The following PTPRN2 variants were observed in gnomAD, a reference collection of about 807,000 sequenced individuals.
PTPRN2 encodes protein tyrosine phosphatase receptor type N2, also known as receptor-type tyrosine-protein phosphatase N2.
PTPRN2 carries 74 observed loss-of-function variants against 118.8 expected under a neutral mutation model. That is an observed-to-expected ratio of 0.62 (90% CI 0.52 to 0.76). The LOEUF is 0.76. PTPRN2 is among the 30% of genes least tolerant of loss of function. PTPRN2 has a pLI of 0.00. For missense variants in PTPRN2, 1,481 were observed against 1,394.4 expected (o/e 1.06, Z -0.99); for synonymous variants, 641 against 608.0 (o/e 1.05, Z -0.80).
chr7:157,644,813 A>AC lies in PTPRN2; in HGVS notation c.2196+11543_2196+11544insG, dbSNP rs1004248497. 7.4e-5 allele frequency among the ~76,000 whole-genome samples: 10 copies of AC among 134,454 alleles called. No homozygotes were observed. The East Asian group carries it at 1.6e-3, about 21-fold the overall frequency. 88.2% of individuals were successfully genotyped at this position (134,454 alleles called of 152,430 possible). On this transcript the variant is annotated intron_variant, in intron 14 of 22. Transcript: ENST00000389418. ...TCCATCTCAAAAAACAAAAAAAAAAAAACAAAAAACAAAAGAAAACAAAAC... is the reference window on the plus strand; with the variant it reads ...TCCATCTCAAAAAACAAAAAAAAAAACAACAAAAAACAAAAGAAAACAAAAC...
chr7:157,908,645 TGACATCAGCAACTGCAGGGATCTCA>T (rs1479112092), intron 11 of PTPRN2, among the ~76,000 whole-genome samples: 2 of 152,190 alleles, frequency 1.3e-5, no homozygotes, highest in Non-Finnish European at 2.9e-5. Flanking sequence ...AACCAGCTCA[TGACATCAGCAACTGCAGGGATCTCA>T]GAGCCAGAAT....
chr7:157,770,847 C>T (rs1337502425), intron 12 of PTPRN2, among the ~76,000 whole-genome samples: 2 of 152,146 alleles, frequency 1.3e-5, no homozygotes, highest in Non-Finnish European at 2.9e-5. Flanking sequence ...TCTGTCCTCC[C>T]CACCTGAGTG....
rs1563030031 is a variant in PTPRN2, at chr7:158,245,208, ACGGT to A, written c.278-39939_278-39936del. Among the ~76,000 whole-genome samples the A allele has an allele frequency of 2.9e-4, 14 of 48,854 alleles. No individual in the cohort carries two copies. The South Asian group carries it at 3.9e-3, about 14-fold the overall frequency. 32.1% of individuals were successfully genotyped at this position (48,854 alleles called of 152,430 possible). A position where few individuals can be genotyped will look rare whatever the true frequency, so the allele number is the denominator to read the frequency against. ...GGAATCCGTGGTCATGCTGGAATCC[ACGGT>A]CATGCCGGAACCCATGGCCATGCCG... On this transcript the variant is annotated intron_variant, in intron 3 of 22. Transcript: ENST00000389418.
intron 10 of PTPRN2, among the ~76,000 whole-genome samples, chr7:158,104,382 G>A (rs189803598): frequency 9.1e-4 from 139 of 152,266 alleles, no homozygotes; most frequent in African/African-American, 3.1e-3. Context: ...CAAAGATACC[G>A]CTGTGAAAAT....
At chr7:158,442,012 G>A (rs367666220) in intron 2 of PTPRN2, among the ~76,000 whole-genome samples, 2 of 150,868 alleles carry the variant, frequency 1.3e-5, no homozygotes, top group East Asian at 4.0e-4. Context: ...TGGCAGTGGT[G>A]GTGATAGTGA....
chr7:158,187,721 C>T (rs752062056), intron 5 of PTPRN2, among the ~76,000 whole-genome samples: 3 of 152,090 alleles, frequency 2.0e-5, no homozygotes, highest in East Asian at 1.9e-4. Flanking sequence ...TCTGAATAAC[C>T]GTTTGACAGC....
intron 11 of PTPRN2, among the ~76,000 whole-genome samples, chr7:158,071,109 T>TAC: frequency 1.1e-5 from 1 of 93,450 alleles, no homozygotes. Flanking sequence ...GTGCTCGTGG[T>TAC]GGTGGAGGTG....
chr7:157,684,008 T>G lies in PTPRN2; in HGVS notation c.1789-1071A>C, dbSNP rs1487725255. On this transcript the variant is annotated intron_variant, in intron 12 of 22. Coordinates refer to ENST00000389418, the MANE Select transcript of PTPRN2 (RefSeq NM_002847.5). Reference sequence around the variant, plus strand: ...CTGGCCGGCCTATTCATTATCTCTCTTCTATTAGTAATTTTCTGCTCCGTA... The same window carrying G: ...CTGGCCGGCCTATTCATTATCTCTCGTCTATTAGTAATTTTCTGCTCCGTA... Among the ~76,000 whole-genome samples the G allele has an allele frequency of 2.6e-5, 4 of 152,254 alleles. No individual in the cohort carries two copies. In the East Asian group the frequency reaches 7.8e-4, roughly 30 times the overall value.
At chr7:158,343,025 G>T (rs1455736676) in intron 2 of PTPRN2, among the ~76,000 whole-genome samples, 1 of 152,142 alleles carries the variant, frequency 6.6e-6, no homozygotes, top group Non-Finnish European at 1.5e-5. Context: ...CTCCAGCCTG[G>T]GCAACAAGAG....
At chr7:157,639,270 A>G (rs1451547547) in intron 14 of PTPRN2, among the ~76,000 whole-genome samples, 2 of 152,018 alleles carry the variant, frequency 1.3e-5, no homozygotes, top group African/African-American at 4.8e-5. Flanking sequence ...TCCTGACCTC[A>G]AGTGATCTGC....
intron 1 of PTPRN2, among the ~76,000 whole-genome samples, chr7:158,568,050 C>T (rs749696785): frequency 4.6e-5 from 7 of 152,126 alleles, no homozygotes; most frequent in African/African-American, 1.2e-4. Flanking sequence ...GTCACAAGTT[C>T]GAGACCAGCC....
chr7:158,445,830 C>T (rs1045459342), intron 2 of PTPRN2, among the ~76,000 whole-genome samples: 4 of 152,228 alleles, frequency 2.6e-5, no homozygotes, highest in African/African-American at 7.2e-5. Context: ...GAGCAGCAGA[C>T]GCATCATCAG....
At chr7:158,530,114 A>T (rs10081191) in intron 1 of PTPRN2, among the ~76,000 whole-genome samples, 1 of 151,906 alleles carries the variant, frequency 6.6e-6, no homozygotes, top group Non-Finnish European at 1.5e-5. Context: ...GCTGACCCCA[A>T]AAATAAGTAG....
At chr7:158,071,162 G>GTA (rs1344820695) in intron 11 of PTPRN2, among the ~76,000 whole-genome samples, 1 of 49,244 alleles carries the variant, frequency 2.0e-5, no homozygotes, top group Non-Finnish European at 4.1e-5. Context: ...GGTGCTCGTG[G>GTA]TGGAGGTGCT....
intron 3 of PTPRN2, among the ~76,000 whole-genome samples, chr7:158,294,684 G>A (rs1166989718): frequency 6.6e-6 from 1 of 152,150 alleles, no homozygotes; most frequent in East Asian, 1.9e-4. Context: ...GAGAGTGAGA[G>A]GCAGGAAAGA....
At chr7:158,178,541 C>T (rs533571081) in intron 5 of PTPRN2, among the ~76,000 whole-genome samples, 3 of 145,008 alleles carry the variant, frequency 2.1e-5, no homozygotes, top group Admixed American at 7.0e-5. Flanking sequence ...CATTCTTTTT[C>T]GTGGCTGAGT....
chr7:158,346,084 A>G lies in PTPRN2; in HGVS notation c.164-29152T>C, dbSNP rs573719532. On this transcript the variant is annotated intron_variant, in intron 2 of 22. Coordinates refer to ENST00000389418, the MANE Select transcript of PTPRN2 (RefSeq NM_002847.5). Reference sequence around the variant, plus strand: ...TGGGTACAAGGCAATGCTATGATTTATGAATACAATGTGGAATAATTAAAT... The same window carrying G: ...TGGGTACAAGGCAATGCTATGATTTGTGAATACAATGTGGAATAATTAAAT... Among the ~76,000 whole-genome samples the G allele has an allele frequency of 3.9e-5, 6 of 152,384 alleles. No homozygotes were observed. In the South Asian group the frequency reaches 1.2e-3, roughly 32 times the overall value.
intron 19 of PTPRN2, among the ~76,000 whole-genome samples, chr7:157,575,702 C>T (rs1051269378): frequency 1.3e-5 from 2 of 152,150 alleles, no homozygotes; most frequent in African/African-American, 4.8e-5. Context: ...ACTGTAGACT[C>T]GAGAATGAGT....
At chr7:158,005,955 A>T (rs1805605413) in intron 11 of PTPRN2, among the ~76,000 whole-genome samples, 1 of 152,228 alleles carries the variant, frequency 6.6e-6, no homozygotes, top group African/African-American at 2.4e-5. Flanking sequence ...TTAGAGGCTG[A>T]GGGGTTTCTG....
Sources: allele counts gnomAD v4.1 joint callset (sites outside exome capture counted in the v4.1 genomes callset), GRCh38; gene constraint gnomAD v4.1.1; transcripts MANE v1.5; gene names NCBI Gene and HGNC (gene_info 2026-07-23, HGNC 2026-07-21).